Variants in KHDRBS3 observed in about 807,000 individuals in gnomAD.
KHDRBS3 encodes the protein KH RNA binding domain containing, signal transduction associated 3.
Under a neutral mutation model 45.6 loss-of-function variants are expected in KHDRBS3, and 23 were observed. That is an observed-to-expected ratio of 0.50 (90% CI 0.36 to 0.72). KHDRBS3 has a LOEUF of 0.72. Ranked by LOEUF, KHDRBS3 falls within the 30% of genes least tolerant of loss-of-function variation. The probability of loss-of-function intolerance (pLI) is 0.00; values close to 1 mark genes in which losing one functional copy is unlikely to be tolerated. For missense variants in KHDRBS3, 352 were observed against 424.8 expected (o/e 0.83, Z 1.51); for synonymous variants, 162 against 156.5 (o/e 1.04, Z -0.26).
chr8:135,548,656 T>C lies in KHDRBS3; in HGVS notation c.325-98T>C. The C allele has an allele frequency of 3.0e-6, 3 of 1,010,722 alleles. No homozygotes were observed. The East Asian group carries it at 8.6e-5, about 29-fold the overall frequency. The allele number at this position is 1,010,722 out of a possible 1,614,324, so 62.6% of individuals were successfully genotyped here. Reference sequence around the variant, plus strand: ...GACAACCGCTTGCCAGATGGATTGTTTTTATTTTGGGGGTTAGTTTTTATT... The same window carrying C: ...GACAACCGCTTGCCAGATGGATTGTCTTTATTTTGGGGGTTAGTTTTTATT... On this transcript the variant is annotated intron_variant, in intron 3 of 8. Coordinates refer to ENST00000355849, the MANE Select transcript of KHDRBS3 (RefSeq NM_006558.3).
Position 135,635,841 on chromosome 8 carries a change from A to G in KHDRBS3, c.891-9218A>G, listed in dbSNP as rs115334357. Among the ~76,000 whole-genome samples, 279 of 152,354 alleles carry G rather than the reference A, an allele frequency of 1.8e-3. 2 individuals carry two copies. Among genetic ancestry groups the G allele is most frequent in the African/African-American group, 6.4e-3 (268 of 41,580 alleles). ...CATTTGAAAAATGTCACTTCGCTGC[A>G]TTATGCGTATCTTCAAAGTGCTGTT... is the stretch of plus-strand genomic sequence containing the variant. On this transcript the variant is annotated intron_variant, in intron 7 of 8. Coordinates refer to ENST00000355849, the MANE Select transcript of KHDRBS3 (RefSeq NM_006558.3).
intron 1 of KHDRBS3, among the ~76,000 whole-genome samples, chr8:135,518,877 A>T (rs1824761282): frequency 1.3e-5 from 2 of 152,150 alleles, no homozygotes; most frequent in South Asian, 4.1e-4. Context: ...GATAGGAGAA[A>T]CCTTAAAAAA....
intron 1 of KHDRBS3, among the ~76,000 whole-genome samples, chr8:135,507,153 A>G (rs969935214): frequency 1.3e-5 from 2 of 152,142 alleles, no homozygotes; most frequent in African/African-American, 4.8e-5. Flanking sequence ...CTTCAAACGG[A>G]TCTAGTGGAA....
chr8:135,560,722 T>C (rs1375015218), intron 5 of KHDRBS3, among the ~76,000 whole-genome samples: 1 of 152,226 alleles, frequency 6.6e-6, no homozygotes, highest in Admixed American at 6.5e-5. Flanking sequence ...TTGCTTGTCA[T>C]TTAAAGTTGT....
intron 5 of KHDRBS3, among the ~76,000 whole-genome samples, chr8:135,576,577 T>G (rs76296410): frequency 0.022 from 3,274 of 152,274 alleles, 122 homozygotes; most frequent in African/African-American, 0.075. Flanking sequence ...CAAACATAAT[T>G]TGAGGGTTTT....
intron 7 of KHDRBS3, among the ~76,000 whole-genome samples, chr8:135,631,059 G>T (rs569324391): frequency 6.2e-4 from 95 of 152,098 alleles, no homozygotes; most frequent in African/African-American, 2.2e-3. Context: ...GACCAGTCTG[G>T]CCAACATGGT....
chr8:135,512,686 G>T (rs1197825236), intron 1 of KHDRBS3, among the ~76,000 whole-genome samples: 1 of 152,086 alleles, frequency 6.6e-6, no homozygotes, highest in African/African-American at 2.4e-5. Context: ...GTAACCATTT[G>T]TGCAGCCATT....
chr8:135,536,094 G>GCT (rs531008610), intron 2 of KHDRBS3, among the ~76,000 whole-genome samples: 161 of 152,012 alleles, frequency 1.1e-3, no homozygotes, highest in African/African-American at 3.2e-3. Context: ...GGTTTCCAGG[G>GCT]CTCCATACTC....
intron 2 of KHDRBS3, chr8:135,539,171 T>C (rs1167297448): frequency 1.3e-5 from 2 of 152,160 alleles, no homozygotes; most frequent in African/African-American, 4.8e-5. Flanking sequence ...TGCCCCTGAG[T>C]CCCAGTAGTG....
At chr8:135,540,905 A>G (rs1826016456) in intron 2 of KHDRBS3, 1 of 152,220 alleles carries the variant, frequency 6.6e-6, no homozygotes, top group Non-Finnish European at 1.5e-5. Context: ...AATCCCATAA[A>G]AGAGAAAGAG....
chr8:135,479,672 C>T (rs1822467009), intron 1 of KHDRBS3, among the ~76,000 whole-genome samples: 1 of 152,168 alleles, frequency 6.6e-6, no homozygotes, highest in African/African-American at 2.4e-5. Context: ...TCCCATTATT[C>T]ATGAGGGCAG....
intron 8 of KHDRBS3, among the ~76,000 whole-genome samples, 187 bp from the exon 9 acceptor site, chr8:135,646,806 A>T (rs527871677): frequency 1.6e-4 from 24 of 152,152 alleles, no homozygotes; most frequent in Non-Finnish European, 2.6e-4. Flanking sequence ...GAGTGAGATG[A>T]TTATTTTTCC....
chr8:135,544,805 C>G (rs925844605), intron 3 of KHDRBS3, among the ~76,000 whole-genome samples: 1 of 152,090 alleles, frequency 6.6e-6, no homozygotes, highest in Non-Finnish European at 1.5e-5. Flanking sequence ...CTGCAAGTGG[C>G]TGATTGTGTA....
intron 6 of KHDRBS3, among the ~76,000 whole-genome samples, chr8:135,585,803 G>A (rs1327727976): frequency 6.6e-6 from 1 of 152,108 alleles, no homozygotes; most frequent in Non-Finnish European, 1.5e-5. Context: ...TCAGTTTTTG[G>A]CACATTGTAA....
chr8:135,580,935 TTGG>T (rs1828175984), intron 5 of KHDRBS3, among the ~76,000 whole-genome samples: 1 of 152,208 alleles, frequency 6.6e-6, no homozygotes, highest in African/African-American at 2.4e-5. Flanking sequence ...ATTTCTGATA[TTGG>T]TGTTTGGGCT....
At chr8:135,613,614 C>G (rs1012955491) in intron 7 of KHDRBS3, among the ~76,000 whole-genome samples, 2 of 151,728 alleles carry the variant, frequency 1.3e-5, no homozygotes, top group African/African-American at 4.9e-5. Context: ...TTGTTTCACA[C>G]AAGAGTGGCT....
At chr8:135,490,723 C>A (rs996902315) in intron 1 of KHDRBS3, among the ~76,000 whole-genome samples, 19 of 152,176 alleles carry the variant, frequency 1.2e-4, no homozygotes, top group Admixed American at 1.2e-3. Context: ...GAATATGAAT[C>A]ACAAGACCAA....
At chr8:135,519,231 A>AT (rs1204835024) in intron 1 of KHDRBS3, among the ~76,000 whole-genome samples, 3 of 152,010 alleles carry the variant, frequency 2.0e-5, no homozygotes, top group Non-Finnish European at 1.5e-5. Context: ...CTTAATCCCT[A>AT]TTGTATAGTG....
At chr8:135,551,413 TTC>T (rs1260311179) in intron 4 of KHDRBS3, among the ~76,000 whole-genome samples, 8 of 152,190 alleles carry the variant, frequency 5.3e-5, no homozygotes, top group Non-Finnish European at 1.2e-4. Flanking sequence ...GTTGAAGAAG[TTC>T]TCTTATATTT....
Sources: gnomAD v4.1 joint callset for allele counts (sites outside exome capture counted in the v4.1 genomes callset) on GRCh38, gnomAD v4.1.1 for gene constraint, MANE v1.5 for transcripts, NCBI Gene and HGNC (gene_info 2026-07-23, HGNC 2026-07-21) for gene names.